The following FHIT variants were observed in gnomAD, a reference collection of about 807,000 sequenced individuals.
FHIT encodes fragile histidine triad diadenosine triphosphatase, also known as bis(5'-adenosyl)-triphosphatase.
Under a neutral mutation model 17.9 loss-of-function variants are expected in FHIT, and 19 were observed. The ratio of observed to expected loss-of-function variants is 1.06; its 90% CI spans 0.74 to 1.56. The LOEUF is 1.56. FHIT is among the 40% of genes most tolerant of loss of function. The probability of loss-of-function intolerance (pLI) is 0.00; values close to 1 mark genes in which losing one functional copy is unlikely to be tolerated. For missense variants in FHIT, 248 were observed against 189.2 expected, an observed-to-expected ratio of 1.31 and a Z score of -1.82; for synonymous variants, 81 against 69.7, an observed-to-expected ratio of 1.16 and a Z score of -0.81.
At chr3:59,800,891 T>C (rs1699966844) in intron 8 of FHIT, among the ~76,000 whole-genome samples, 1 of 152,108 alleles carries the variant, frequency 6.6e-6, no homozygotes, top group Non-Finnish European at 1.5e-5. Context: ...AGAGGCCACA[T>C]TTCGTGATCT....
chr3:60,168,692 C>G (rs960340776), intron 5 of FHIT, among the ~76,000 whole-genome samples: 2 of 152,162 alleles, frequency 1.3e-5, no homozygotes, highest in Admixed American at 6.5e-5. Context: ...GGGACATTAT[C>G]CTGCGTTTCA....
chr3:60,034,667 T>C (rs1254049306), intron 5 of FHIT, among the ~76,000 whole-genome samples: 1 of 152,256 alleles, frequency 6.6e-6, no homozygotes, highest in African/African-American at 2.4e-5. Context: ...CCAGTATGAC[T>C]GTTATAATGG....
intron 3 of FHIT, among the ~76,000 whole-genome samples, chr3:60,930,691 C>T (rs528952957): frequency 9.0e-4 from 137 of 152,140 alleles, no homozygotes; most frequent in African/African-American, 3.2e-3. Context: ...GTTAGAATGG[C>T]GATCATTAAA....
intron 5 of FHIT, among the ~76,000 whole-genome samples, chr3:60,083,710 T>G (rs923628426): frequency 6.6e-6 from 1 of 152,204 alleles, no homozygotes; most frequent in African/African-American, 2.4e-5. Flanking sequence ...ATGGCCTCTA[T>G]TGCAACAACT....
chr3:61,123,780 A>G (rs983930898), intron 2 of FHIT, among the ~76,000 whole-genome samples: 2 of 152,180 alleles, frequency 1.3e-5, no homozygotes, highest in African/African-American at 2.4e-5. Flanking sequence ...GCCAATTTTC[A>G]TGGTGTAAAT....
At position 59,946,635 on chromosome 3, in the gene FHIT, G is replaced by A. The variant is rs190395230; in HGVS notation, c.280-24221C>T. On this transcript the variant is annotated intron_variant, in intron 7 of 9. Transcript: ENST00000492590. ...AATGCTTCCAGCTTTTGTTCATTTGGTATGATGTTGGCTATGGATTTGTCA... is the reference window on the plus strand; with the variant it reads ...AATGCTTCCAGCTTTTGTTCATTTGATATGATGTTGGCTATGGATTTGTCA... Among the ~76,000 whole-genome samples, 269 of 152,238 alleles carry A rather than the reference G, an allele frequency of 1.8e-3. 2 individuals carry two copies. Among genetic ancestry groups the A allele is most frequent in the Non-Finnish European group, 1.2e-3 (79 of 68,016 alleles).
intron 2 of FHIT, among the ~76,000 whole-genome samples, chr3:61,147,237 G>T (rs954733857): frequency 6.6e-6 from 1 of 152,020 alleles, no homozygotes; most frequent in Non-Finnish European, 1.5e-5. Flanking sequence ...AAAACGTTCT[G>T]TTGAGGCGAC....
At chr3:60,959,624 A>T (rs1362456713) in intron 3 of FHIT, among the ~76,000 whole-genome samples, 1 of 152,060 alleles carries the variant, frequency 6.6e-6, no homozygotes, top group African/African-American at 2.4e-5. Context: ...AAATCTGAAG[A>T]GAGAAAATGA....
intron 5 of FHIT, among the ~76,000 whole-genome samples, chr3:60,193,907 G>A (rs1412182293): frequency 6.6e-6 from 1 of 152,130 alleles, no homozygotes; most frequent in Non-Finnish European, 1.5e-5. Context: ...TAAAAAATGG[G>A]CTCGCTTTCC....
chr3:60,077,739 G>GAGAGAGACA (rs56848166), intron 5 of FHIT, among the ~76,000 whole-genome samples: 2 of 68,322 alleles, frequency 2.9e-5, no homozygotes, highest in African/African-American at 8.8e-5. Context: ...CATATATAGA[G>GAGAGAGACA]GGGGGGGGGA....
At chr3:61,174,557 C>T (rs1441852310) in intron 2 of FHIT, among the ~76,000 whole-genome samples, 1 of 152,088 alleles carries the variant, frequency 6.6e-6, no homozygotes, top group Non-Finnish European at 1.5e-5. Context: ...CTTTATGGCC[C>T]AACTGTTGAT....
intron 2 of FHIT, among the ~76,000 whole-genome samples, chr3:61,050,620 T>G (rs9862715): frequency 0.13 from 20,179 of 152,142 alleles, 1,414 homozygotes; most frequent in South Asian, 0.17. Flanking sequence ...GCATATGCTT[T>G]AATGCGCTCA....
intron 4 of FHIT, among the ~76,000 whole-genome samples, chr3:60,741,828 T>C (rs1438366617): frequency 1.3e-5 from 2 of 152,212 alleles, no homozygotes; most frequent in Non-Finnish European, 2.9e-5. Flanking sequence ...ATCTGTACTT[T>C]GATTTATTTC....
intron 5 of FHIT, among the ~76,000 whole-genome samples, chr3:60,206,969 G>C (rs1703222233): frequency 6.6e-6 from 1 of 152,054 alleles, no homozygotes. Context: ...CCTCCCACTA[G>C]ACCCACCTCA....
intron 5 of FHIT, among the ~76,000 whole-genome samples, chr3:60,193,229 C>G (rs1018708330): frequency 6.6e-6 from 1 of 152,182 alleles, no homozygotes; most frequent in Non-Finnish European, 1.5e-5. Context: ...AGTATAATCA[C>G]TGACCAGTTG....
At chr3:60,896,666 C>T (rs1705838626) in intron 3 of FHIT, among the ~76,000 whole-genome samples, 1 of 152,152 alleles carries the variant, frequency 6.6e-6, no homozygotes. Context: ...GGGCAGGTAC[C>T]TTCCAACCAA....
intron 1 of FHIT, among the ~76,000 whole-genome samples, chr3:61,215,443 T>G (rs1421568439): frequency 1.3e-5 from 2 of 152,134 alleles, no homozygotes; most frequent in Non-Finnish European, 2.9e-5. Context: ...ACAAGGGACA[T>G]GAAGGACCTC....
At chr3:60,392,471 G>T (rs1467775244) in intron 5 of FHIT, among the ~76,000 whole-genome samples, 1 of 152,150 alleles carries the variant, frequency 6.6e-6, no homozygotes, top group Non-Finnish European at 1.5e-5. Context: ...CCTTGTTCAT[G>T]CTTTAACTGA....
intron 3 of FHIT, among the ~76,000 whole-genome samples, chr3:60,956,126 A>C (rs1709143015): frequency 6.6e-6 from 1 of 152,190 alleles, no homozygotes; most frequent in Non-Finnish European, 1.5e-5. Flanking sequence ...TTTTGTTCTA[A>C]TCCAAATAGA....
Sources: gnomAD v4.1 joint callset for allele counts (sites outside exome capture counted in the v4.1 genomes callset) on GRCh38, gnomAD v4.1.1 for gene constraint, MANE v1.5 for transcripts, NCBI Gene and HGNC (gene_info 2026-07-23, HGNC 2026-07-21) for gene names.